KIF5C: variants seen among roughly 807,000 people sequenced by gnomAD.
KIF5C encodes kinesin heavy chain isoform 5C.
Under a neutral mutation model 125.2 loss-of-function variants are expected in KIF5C, and 18 were observed. That is an observed-to-expected ratio of 0.14 (90% confidence interval 0.10 to 0.21). KIF5C has a LOEUF of 0.21. KIF5C is among the 10% of genes least tolerant of loss of function. The pLI is 1.00. For synonymous variants in KIF5C, 405 were observed against 434.0 expected, an observed-to-expected ratio of 0.93 and a Z score of 0.83; for missense variants, 780 against 1,183.8, an observed-to-expected ratio of 0.66 and a Z score of 5.01.
intron 16 of KIF5C, among the ~76,000 whole-genome samples, chr2:148,992,701 T>C (rs892146576): frequency 3.9e-5 from 6 of 152,258 alleles, no homozygotes; most frequent in African/African-American, 1.4e-4. Context: ...AGACCAGGAA[T>C]ATCAGGGGGA....
At chr2:148,930,814 C>G (rs1286456645) in intron 3 of KIF5C, among the ~76,000 whole-genome samples, 1 of 152,130 alleles carries the variant, frequency 6.6e-6, no homozygotes, top group Non-Finnish European at 1.5e-5. Flanking sequence ...CAGGTCTTTC[C>G]CCTGACACCT....
intron 23 of KIF5C, 22 bp downstream of exon 23, chr2:149,008,089 C>G (rs1167547749): frequency 6.3e-7 from 1 of 1,590,126 alleles, no homozygotes; most frequent in Admixed American, 1.7e-5. Flanking sequence ...CTGCCCGCTC[C>G]CCTCTGATTC....
chr2:148,993,336 C>T (rs1681577034), intron 16 of KIF5C, among the ~76,000 whole-genome samples: 1 of 152,102 alleles, frequency 6.6e-6, no homozygotes, highest in Non-Finnish European at 1.5e-5. Context: ...TTAAAGAGTA[C>T]CTGTTCTAAA....
At position 149,021,132 on chromosome 2, in the gene KIF5C, G is replaced by A. The variant is rs185656480; in HGVS notation, c.*8-1946G>A. Among the ~76,000 whole-genome samples, 29 of 152,160 alleles carry A rather than the reference G, an allele frequency of 1.9e-4. 1 individual carries two copies. The East Asian group carries it at 3.3e-3, about 17-fold the overall frequency. Reference sequence around the variant, plus strand: ...GGCTGGAGTGCAGCAGCATGATCTCGGCTCACTGCAACCTCTGCTTCCCAG... The same window carrying A: ...GGCTGGAGTGCAGCAGCATGATCTCAGCTCACTGCAACCTCTGCTTCCCAG... On this transcript the variant is annotated intron_variant, in intron 25 of 25. Transcript: ENST00000435030.
intron 15 of KIF5C, among the ~76,000 whole-genome samples, chr2:148,985,877 C>T (rs960669410): frequency 3.9e-5 from 6 of 152,168 alleles, no homozygotes; most frequent in African/African-American, 9.7e-5. Flanking sequence ...TTCATGGAAC[C>T]TTTATTGTAA....
chr2:149,009,130 C>G (rs1396235881), intron 23 of KIF5C, among the ~76,000 whole-genome samples: 5 of 151,278 alleles, frequency 3.3e-5, no homozygotes, highest in African/African-American at 1.2e-4. Context: ...GCTGGGATTA[C>G]AGGTGCGCGC....
chr2:148,917,624 T>C (rs1428842387), intron 1 of KIF5C, among the ~76,000 whole-genome samples: 3 of 152,200 alleles, frequency 2.0e-5, no homozygotes, highest in African/African-American at 4.8e-5. Flanking sequence ...AACTTGTCAT[T>C]TCTGTACTTT....
At chr2:148,883,489 A>T (rs1485185012) in intron 1 of KIF5C, 1 of 152,086 alleles carries the variant, frequency 6.6e-6, no homozygotes, top group African/African-American at 2.4e-5. Context: ...CGAAAGAACG[A>T]GACTCTGTCT....
intron 17 of KIF5C, 107 bp from the exon 18 acceptor site, chr2:148,997,157 A>T: frequency 6.8e-7 from 1 of 1,472,242 alleles, no homozygotes; most frequent in Admixed American, 2.2e-5. Flanking sequence ...ATATAAGCTG[A>T]TGTTTCACTC....
intron 17 of KIF5C, among the ~76,000 whole-genome samples, chr2:148,995,289 C>T (rs952764335): frequency 2.0e-5 from 3 of 152,210 alleles, no homozygotes; most frequent in East Asian, 3.8e-4. Context: ...TCTGTCCAAA[C>T]GGACACTTCT....
chr2:148,975,363 A>G (rs933454809), intron 12 of KIF5C, among the ~76,000 whole-genome samples: 2 of 152,178 alleles, frequency 1.3e-5, no homozygotes, highest in African/African-American at 4.8e-5. Flanking sequence ...TGAAGAATAC[A>G]TGAGGTGGGA....
chr2:148,963,959 G>C (rs1682988762), intron 11 of KIF5C, among the ~76,000 whole-genome samples: 1 of 152,030 alleles, frequency 6.6e-6, no homozygotes, highest in Non-Finnish European at 1.5e-5. Context: ...TCTTTACTTG[G>C]ACATCATTTT....
intron 1 of KIF5C, among the ~76,000 whole-genome samples, chr2:148,908,409 A>G (rs1258591991): frequency 6.6e-6 from 1 of 152,166 alleles, no homozygotes; most frequent in Non-Finnish European, 1.5e-5. Context: ...ACTCTCAAAG[A>G]TTTCTCTCCT....
At chr2:148,986,438 A>G (rs140150321) in intron 15 of KIF5C, among the ~76,000 whole-genome samples, 41 of 152,218 alleles carry the variant, frequency 2.7e-4, no homozygotes, top group Middle Eastern at 3.4e-3. Flanking sequence ...TGGATGAGTG[A>G]CTGTACTTCT....
chr2:148,902,248 T>C (rs1004510235), intron 1 of KIF5C, among the ~76,000 whole-genome samples: 1 of 152,214 alleles, frequency 6.6e-6, no homozygotes, highest in African/African-American at 2.4e-5. Context: ...TGGTTCCATT[T>C]CTTTGAGTCC....
chr2:149,005,513 A>C, intron 22 of KIF5C, 49 bp downstream of exon 22: 1 of 1,601,028 alleles, frequency 6.2e-7, no homozygotes. Context: ...CAAAGATGGC[A>C]GGGAAGAATC....
At chr2:148,877,831 T>G (rs1681236793) in intron 1 of KIF5C, 1 of 152,042 alleles carries the variant, frequency 6.6e-6, no homozygotes, top group African/African-American at 2.4e-5. Flanking sequence ...CCTTGACCTG[T>G]ATGCAAGGCA....
chr2:148,931,207 A>G (rs984870717), intron 3 of KIF5C, among the ~76,000 whole-genome samples: 1 of 152,218 alleles, frequency 6.6e-6, no homozygotes, highest in South Asian at 2.1e-4. Context: ...AAATCCCCCA[A>G]AATCTCTTGG....
chr2:148,928,876 A>T (rs1682102766), intron 2 of KIF5C, among the ~76,000 whole-genome samples: 1 of 152,224 alleles, frequency 6.6e-6, no homozygotes, highest in Admixed American at 6.5e-5. Context: ...TTAAATCTTC[A>T]GGAAAGAAAT....
Sources: allele counts gnomAD v4.1 joint callset (sites outside exome capture counted in the v4.1 genomes callset), GRCh38; gene constraint gnomAD v4.1.1; transcripts MANE v1.5; gene names NCBI Gene and HGNC (gene_info 2026-07-23, HGNC 2026-07-21).